MARCHF1: variants seen among roughly 807,000 people sequenced by gnomAD.
MARCHF1 encodes the protein E3 ubiquitin-protein ligase MARCHF1.
Under a neutral mutation model 54.2 loss-of-function variants are expected in MARCHF1, and 40 were observed. The ratio of observed to expected loss-of-function variants is 0.74; its 90% CI spans 0.57 to 0.96. MARCHF1 has a LOEUF of 0.96. MARCHF1 is among the 40% of genes least tolerant of loss of function. MARCHF1 has a pLI of 0.00. For synonymous variants in MARCHF1, 236 were observed against 236.3 expected, an observed-to-expected ratio of 1.00 and a Z score of 0.01; for missense variants, 586 against 656.5, an observed-to-expected ratio of 0.89 and a Z score of 1.17.
intron 1 of MARCHF1, among the ~76,000 whole-genome samples, chr4:164,314,317 C>G (rs1159524829): frequency 6.6e-6 from 1 of 152,198 alleles, no homozygotes; most frequent in Non-Finnish European, 1.5e-5. Context: ...ATGCTGCAAA[C>G]AATTAAATGA....
chr4:163,597,407 T>A (rs1447778404), intron 7 of MARCHF1, among the ~76,000 whole-genome samples: 2 of 152,256 alleles, frequency 1.3e-5, no homozygotes, highest in African/African-American at 4.8e-5. Context: ...CTAAGACTTT[T>A]TTCTGATACC....
intron 4 of MARCHF1, among the ~76,000 whole-genome samples, chr4:163,848,949 A>G (rs2111156699): frequency 6.6e-6 from 1 of 152,340 alleles, no homozygotes; most frequent in African/African-American, 2.4e-5. Context: ...GCTATAAGTC[A>G]GTCAATGCAG....
At chr4:164,372,978 A>T (rs1376252791) in intron 1 of MARCHF1, among the ~76,000 whole-genome samples, 1 of 152,190 alleles carries the variant, frequency 6.6e-6, no homozygotes, top group African/African-American at 2.4e-5. Flanking sequence ...AAAAGTAGCA[A>T]GATAACTAAA....
intron 7 of MARCHF1, among the ~76,000 whole-genome samples, chr4:163,594,324 C>T (rs1431386661): frequency 6.6e-6 from 1 of 151,602 alleles, no homozygotes; most frequent in Non-Finnish European, 1.5e-5. Flanking sequence ...GTTCTTACTC[C>T]AACTAAATAC....
chr4:164,109,090 C>T (rs1755773223), intron 2 of MARCHF1, among the ~76,000 whole-genome samples: 1 of 152,050 alleles, frequency 6.6e-6, no homozygotes, highest in South Asian at 2.1e-4. Flanking sequence ...GCGTGAGATG[C>T]TTTGTGAAAC....
In MARCHF1 at chr4:163,965,736, A is replaced by G. The variant is rs569598930; in HGVS notation, c.-39+22765T>C. ...AGTTAAACCAAGTTGATCTATGTCA[A>G]TTATTCCCAAATGAACAGATTCCTA... On this transcript the variant is annotated intron_variant, in intron 3 of 9. Transcript: ENST00000514618. 1.5e-4 allele frequency among the ~76,000 whole-genome samples: 23 copies of G among 152,232 alleles called. 1 individual carries two copies. The highest frequency in any genetic ancestry group is 5.5e-4 in the African/African-American group (23 of 41,554).
intron 2 of MARCHF1, among the ~76,000 whole-genome samples, chr4:164,013,233 G>A (rs929228774): frequency 2.0e-5 from 3 of 152,140 alleles, no homozygotes; most frequent in African/African-American, 7.2e-5. Context: ...GCATTCTGGA[G>A]CTTAGAAATA....
At chr4:163,731,564 CA>C (rs1290457712) in intron 4 of MARCHF1, among the ~76,000 whole-genome samples, 11 of 152,132 alleles carry the variant, frequency 7.2e-5, no homozygotes, top group Admixed American at 7.2e-4. Flanking sequence ...GGGAGTGTGA[CA>C]AAACCAAGGA....
At chr4:164,018,701 C>T (rs1348800348) in intron 2 of MARCHF1, among the ~76,000 whole-genome samples, 2 of 152,026 alleles carry the variant, frequency 1.3e-5, no homozygotes, top group Non-Finnish European at 1.5e-5. Flanking sequence ...TATTTACATG[C>T]TATTGTATAA....
At chr4:163,969,446 T>G (rs114814078) in intron 3 of MARCHF1, among the ~76,000 whole-genome samples, 1 of 152,190 alleles carries the variant, frequency 6.6e-6, no homozygotes, top group Admixed American at 6.5e-5. Flanking sequence ...TTTGGAGATA[T>G]TGATTCTTGC....
In MARCHF1 at chr4:164,309,398, C is replaced by CCTTCCTGTG. The variant is rs565717288; in HGVS notation, c.-323+74463_-323+74471dup. Reference sequence around the variant, plus strand: ...GATAATGATGCCCCACTGACAGAACCCTTCCTGTGAATCCCTCCAGAGTTG... The same window carrying CCTTCCTGTG: ...GATAATGATGCCCCACTGACAGAACCCTTCCTGTGCTTCCTGTGAATCCCTCCAGAGTTG... On this transcript the variant is annotated intron_variant, in intron 1 of 9. Coordinates refer to ENST00000514618, the MANE Select transcript of MARCHF1 (RefSeq NM_001394959.1). 2.2e-4 allele frequency among the ~76,000 whole-genome samples: 34 copies of CCTTCCTGTG among 152,122 alleles called. 4 individuals carry two copies. In the East Asian group the frequency reaches 3.5e-3, roughly 16 times the overall value.
intron 4 of MARCHF1, among the ~76,000 whole-genome samples, chr4:163,735,809 A>AT (rs1746018613): frequency 6.6e-6 from 1 of 151,916 alleles, no homozygotes; most frequent in African/African-American, 2.4e-5. Flanking sequence ...TTTTCCTTCT[A>AT]TTTTTTCTTG....
chr4:164,271,908 T>C (rs1325920136), intron 1 of MARCHF1, among the ~76,000 whole-genome samples: 1 of 151,952 alleles, frequency 6.6e-6, no homozygotes, highest in Non-Finnish European at 1.5e-5. Context: ...AGTGAATAAA[T>C]ATACATTTAG....
intron 1 of MARCHF1, among the ~76,000 whole-genome samples, chr4:164,376,573 A>G (rs1201141024): frequency 6.6e-6 from 1 of 152,106 alleles, no homozygotes; most frequent in African/African-American, 2.4e-5. Context: ...CAGTTGGGTC[A>G]CTTCCATGGC....
intron 1 of MARCHF1, among the ~76,000 whole-genome samples, chr4:164,216,469 G>C (rs1731932986): frequency 6.6e-6 from 1 of 151,800 alleles, no homozygotes; most frequent in African/African-American, 2.4e-5. Flanking sequence ...GGAAAGAAAA[G>C]AAAAAAATAT....
intron 5 of MARCHF1, among the ~76,000 whole-genome samples, chr4:163,690,963 C>T (rs1265537856): frequency 6.6e-6 from 1 of 152,124 alleles, no homozygotes; most frequent in Non-Finnish European, 1.5e-5. Flanking sequence ...GCACAAATTC[C>T]CCAAGGCGAC....
chr4:163,711,907 T>C (rs1293838010), intron 4 of MARCHF1, among the ~76,000 whole-genome samples: 1 of 152,232 alleles, frequency 6.6e-6, no homozygotes, highest in Non-Finnish European at 1.5e-5. Flanking sequence ...ATCTTTAGTA[T>C]TGTGTAGTCT....
At chr4:164,366,768 C>G (rs1179254984) in intron 1 of MARCHF1, among the ~76,000 whole-genome samples, 1 of 151,710 alleles carries the variant, frequency 6.6e-6, no homozygotes, top group African/African-American at 2.4e-5. Flanking sequence ...ATTATATCTT[C>G]TTATATTATA....
intron 3 of MARCHF1, among the ~76,000 whole-genome samples, chr4:163,912,084 T>C (rs1751202918): frequency 6.6e-6 from 1 of 151,028 alleles, no homozygotes; most frequent in Non-Finnish European, 1.5e-5. Context: ...TTTTTTTCCA[T>C]GTTTTAGTTC....
Sources: allele counts gnomAD v4.1 joint callset (sites outside exome capture counted in the v4.1 genomes callset), GRCh38; gene constraint gnomAD v4.1.1; transcripts MANE v1.5; gene names NCBI Gene and HGNC (gene_info 2026-07-23, HGNC 2026-07-21).